Variants in CABP1 observed in about 807,000 individuals in gnomAD.
The protein encoded by CABP1 is calcium-binding protein 1.
In CABP1, 17 loss-of-function variants were observed where a neutral mutation model predicts 34.3. The ratio of observed to expected loss-of-function variants is 0.50; its 90% CI spans 0.34 to 0.74. CABP1 has a LOEUF of 0.74. Ranked by LOEUF, CABP1 falls within the 30% of genes least tolerant of loss-of-function variation. CABP1 has a pLI of 0.01. For synonymous variants in CABP1, 198 were observed against 229.2 expected (o/e 0.86, Z 1.23); for missense variants, 373 against 511.1 (o/e 0.73, Z 2.61).
chr12:120,665,147 GTACAGTGGCACATGCCTGTAATCC>G (rs1248909991), intron 5 of CABP1, among the ~76,000 whole-genome samples: 1 of 152,108 alleles, frequency 6.6e-6, no homozygotes, highest in African/African-American at 2.4e-5. Flanking sequence ...ATGAGGCCAG[GTACAGTGGCACATGCCTGTAATCC>G]TAGTATTTTG....
chr12:120,661,094 A>G lies in CABP1; in HGVS notation c.963A>G (p.Glu321=). The change falls in exon 5 of 6, where the codon GAA becomes GAG. Residue 321 remains glutamate, a synonymous_variant. Transcript: ENST00000316803. The surrounding 1 kb of genome is among the most constrained non-coding windows in gnomAD (Gnocchi z 5.1). ...FREFDTNGDG[E]ISTSELREAM... ...AGTTTGACACCAATGGTGATGGGGAAATAAGCACCAGTGAGCTGCGAGAGG... is the reference window on the plus strand; with the variant it reads ...AGTTTGACACCAATGGTGATGGGGAGATAAGCACCAGTGAGCTGCGAGAGG... The G allele has an allele frequency of 6.2e-7, 1 of 1,613,716 alleles. No individual in the cohort carries two copies. Among genetic ancestry groups the G allele is most frequent in the Non-Finnish European group, 8.5e-7 (1 of 1,179,866 alleles).
At position 120,660,404 on chromosome 12, in the gene CABP1, A is replaced by G; in HGVS notation, c.829+65A>G. The G allele has an allele frequency of 6.5e-7, 1 of 1,534,448 alleles. No individual in the cohort carries two copies. Among genetic ancestry groups the G allele is most frequent in the Non-Finnish European group, 8.8e-7 (1 of 1,132,640 alleles). ...CACCCTTGCCGTCCTCTGCAGTCAG[A>G]CAGGACTGGCTTCAAATTCTGCATC... On this transcript the variant is annotated intron_variant, in intron 3 of 5. Transcript: ENST00000316803. The surrounding 1 kb of genome is among the most constrained non-coding windows in gnomAD (Gnocchi z 5.0).
Position 120,666,970 on chromosome 12 carries a change from AC to A in CABP1, c.*73del, listed in dbSNP as rs1787047792. ...GCTAAGAGGAGCTAGAGCTTGCCTC[AC>A]CCGCTGTAGCCGCCGAGAGCCCAGG... On this transcript the variant is annotated 3_prime_UTR_variant, in exon 6 of 6. Transcript: ENST00000316803. 2 of 1,537,640 alleles carry A rather than the reference AC, an allele frequency of 1.3e-6. No homozygotes were observed.
rs1336238835 is a variant in CABP1 at position 120,667,266 on chromosome 12, C to T, written c.*366C>T. On this transcript the variant is annotated 3_prime_UTR_variant, in exon 6 of 6. Coordinates refer to ENST00000316803, the MANE Select transcript of CABP1 (RefSeq NM_001033677.2). The stretch of plus-strand genomic sequence containing the variant: ...AAGCCTCCCACCTTCGCTCTGCGCC[C>T]GTCCCAGCTCGCCTCAGCCCTGTTA... 5 of 388,694 alleles carry T rather than the reference C, an allele frequency of 1.3e-5. No homozygotes were observed. The highest frequency in any genetic ancestry group is 3.3e-5 in the South Asian group (1 of 30,030). 24.1% of individuals were successfully genotyped at this position (388,694 alleles called of 1,614,324 possible). A position where few individuals can be genotyped will look rare whatever the true frequency, so the allele number is the denominator to read the frequency against.
intron 1 of CABP1, among the ~76,000 whole-genome samples, chr12:120,654,681 AAGGCAGAGTGCAGGCCG>A (rs1231788740): frequency 4.6e-5 from 7 of 151,384 alleles, no homozygotes; most frequent in South Asian, 4.2e-4. Context: ...GTGCAGGCCG[AAGGCAGAGTGCAGGCCG>A]AAGGCAGAGT....
chr12:120,643,884 T>C (rs1363326715), intron 1 of CABP1, among the ~76,000 whole-genome samples: 1 of 152,280 alleles, frequency 6.6e-6, no homozygotes, highest in African/African-American at 2.4e-5. Context: ...TTGTTATTGT[T>C]GATTAACTAC....
At chr12:120,645,709 A>AC (rs1879513508) in intron 1 of CABP1, among the ~76,000 whole-genome samples, 1 of 151,988 alleles carries the variant, frequency 6.6e-6, no homozygotes, top group Non-Finnish European at 1.5e-5. Context: ...GGCGCCTGTA[A>AC]CCCCAGCTAC....
the CABP1 span, among the ~76,000 whole-genome samples, chr12:120,679,725 G>T: frequency 1.3e-5 from 2 of 152,042 alleles, no homozygotes; most frequent in Admixed American, 6.5e-5. Flanking sequence ...TACTAGGGAC[G>T]CTGAGGCAGG....
At chr12:120,644,316 T>A (rs1197305577) in intron 1 of CABP1, among the ~76,000 whole-genome samples, 6 of 152,190 alleles carry the variant, frequency 3.9e-5, no homozygotes, top group Admixed American at 3.9e-4. Context: ...TTGCTATTAT[T>A]AATAGGGTAA....
chr12:120,658,027 G>A (rs1346411519), intron 1 of CABP1, among the ~76,000 whole-genome samples: 2 of 150,652 alleles, frequency 1.3e-5, no homozygotes, highest in African/African-American at 4.9e-5. Context: ...AAACATCTAC[G>A]AACATATGGG....
At chr12:120,674,299 G>A in the CABP1 span, among the ~76,000 whole-genome samples, 1 of 152,264 alleles carries the variant, frequency 6.6e-6, no homozygotes. Flanking sequence ...CTCAAGAAAA[G>A]GAGAAGAGAA....
At chr12:120,677,359 A>G in the CABP1 span, among the ~76,000 whole-genome samples, 1 of 136,864 alleles carries the variant, frequency 7.3e-6, no homozygotes, top group African/African-American at 2.7e-5. Context: ...AAGTGCTGGG[A>G]TTACAGGCAT....
rs1648953316 is a variant in CABP1 at position 120,641,484 on chromosome 12, C to T, written c.654+145C>T. ...TCACCTCGTCCTCCCCGGGCCGGCGCCCTTGCCGGCACTCCTCCTCCCCGT... is the reference window on the plus strand; with the variant it reads ...TCACCTCGTCCTCCCCGGGCCGGCGTCCTTGCCGGCACTCCTCCTCCCCGT... On this transcript the variant is annotated intron_variant, in intron 1 of 5. Coordinates refer to ENST00000316803, the MANE Select transcript of CABP1 (RefSeq NM_001033677.2). This position sits in a 1 kb window ranked among gnomAD's most constrained non-coding sequence, Gnocchi z 6.7. The T allele has an allele frequency of 2.0e-5, 18 of 886,880 alleles. No individual in the cohort carries two copies. Among genetic ancestry groups the T allele is most frequent in the Non-Finnish European group, 2.7e-5 (18 of 673,976 alleles). 54.9% of individuals were successfully genotyped at this position (886,880 alleles called of 1,614,324 possible). A position where few individuals can be genotyped will look rare whatever the true frequency, so the allele number is the denominator to read the frequency against.
intron 1 of CABP1, chr12:120,650,035 TTG>T (rs10599146): frequency 0.34 from 50,995 of 149,124 alleles, 11,487 homozygotes; most frequent in African/African-American, 0.66. Flanking sequence ...GCATGCACGT[TTG>T]TGTGTGTGTG....
At chr12:120,644,519 G>A (rs2137327198) in intron 1 of CABP1, among the ~76,000 whole-genome samples, 1 of 152,262 alleles carries the variant, frequency 6.6e-6, no homozygotes, top group East Asian at 1.9e-4. Flanking sequence ...ATGACATGGG[G>A]CTTTAGGTCT....
intron 5 of CABP1, among the ~76,000 whole-genome samples, chr12:120,665,297 A>C (rs991034572): frequency 1.3e-5 from 2 of 151,930 alleles, no homozygotes; most frequent in Non-Finnish European, 2.9e-5. Flanking sequence ...TTGGTGGCGC[A>C]TGCCTGTAGT....
At chr12:120,650,293 C>A (rs148411480) in intron 1 of CABP1, 2 of 347,600 alleles carry the variant, frequency 5.8e-6, no homozygotes, top group African/African-American at 4.2e-5. Context: ...GATCCGGCAG[C>A]CTTCTCCAGC....
rs1005357998 is a variant in CABP1, at chr12:120,641,091, C to T, written c.406C>T (p.Arg136Cys). Reference sequence around the variant, plus strand: ...AGAGGAGGGCGCGCGGGGGAGCCAGCGTGTGCTCCCCCAGGCGCACTGCAG... The same window carrying T: ...AGAGGAGGGCGCGCGGGGGAGCCAGTGTGTGCTCCCCCAGGCGCACTGCAG... ...PREEGARGSQ[R>C]VLPQAHCRPR... is the part of the protein sequence containing the mutation. The change falls in exon 1 of 6, where the codon CGT becomes TGT. Residue 136 changes from arginine (R) to cysteine (C), a missense_variant. By Grantham distance (180) the Arg-to-Cys change is radical (BLOSUM62 -3). This residue lies in a region of CABP1 where 121 missense variants were observed against 125.5 expected (regional missense o/e 0.96). Coordinates refer to ENST00000316803, the MANE Select transcript of CABP1 (RefSeq NM_001033677.2). This position sits in a 1 kb window ranked among gnomAD's most constrained non-coding sequence, Gnocchi z 6.7. 3 of 1,202,398 alleles carry T rather than the reference C, an allele frequency of 2.5e-6. No homozygotes were observed. Among genetic ancestry groups the T allele is most frequent in the Non-Finnish European group, 3.1e-6 (3 of 969,366 alleles). 74.5% of individuals were successfully genotyped at this position (1,202,398 alleles called of 1,614,324 possible).
downstream of CABP1, among the ~76,000 whole-genome samples, chr12:120,669,281 C>A (rs549519794): frequency 2.4e-4 from 36 of 152,236 alleles, no homozygotes; most frequent in Non-Finnish European, 4.8e-4. Context: ...CTCTAATAAT[C>A]CAATTCTGAG....
Sources: allele counts gnomAD v4.1 joint callset (sites outside exome capture counted in the v4.1 genomes callset), GRCh38; gene constraint gnomAD v4.1.1; regional missense constraint gnomAD v4.1.1; non-coding constraint Gnocchi (gnomAD v3.1); transcripts MANE v1.5; gene names NCBI Gene and HGNC (gene_info 2026-07-23, HGNC 2026-07-21).